The following INTS4 variants were observed in gnomAD, a reference collection of about 807,000 sequenced individuals.
The protein encoded by INTS4 is MSTP093.
A neutral mutation model predicts 119.5 loss-of-function variants in INTS4; 70 were observed. The ratio of observed to expected loss-of-function variants is 0.59; its 90% CI spans 0.48 to 0.71. INTS4 has a LOEUF of 0.71. Among genes scored for constraint, INTS4 ranks in the 30% least tolerant of loss-of-function variants. The pLI is 0.00. For synonymous variants in INTS4, 316 were observed against 419.6 expected, an observed-to-expected ratio of 0.75 and a Z score of 3.02; for missense variants, 867 against 1,173.2, an observed-to-expected ratio of 0.74 and a Z score of 3.81.
intron 18 of INTS4, among the ~76,000 whole-genome samples, chr11:77,899,788 T>G (rs7936105): frequency 2.0e-5 from 3 of 151,854 alleles, no homozygotes; most frequent in Non-Finnish European, 4.4e-5. Context: ...GTGAAAGGAA[T>G]AGGAGGCAGA....
At chr11:77,900,066 G>A (rs1436820597) in intron 18 of INTS4, among the ~76,000 whole-genome samples, 3 of 151,678 alleles carry the variant, frequency 2.0e-5, no homozygotes, top group Non-Finnish European at 4.4e-5. Flanking sequence ...CACATAGTAG[G>A]GATTAAACAT....
Position 77,928,523 on chromosome 11 carries a change from G to A in INTS4, c.1190C>T (p.Ala397Val), listed in dbSNP as rs1259861223. The A allele has an allele frequency of 4.4e-6, 7 of 1,588,304 alleles. No individual in the cohort carries two copies. The highest frequency in any genetic ancestry group is 4.1e-5 in the African/African-American group (3 of 74,042). Reference sequence around the variant, plus strand: ...TGAAGACTGGGCCAACATGCAGAGGGCCTCCACAGCAGCAATACGAACCTC... The same window carrying A: ...TGAAGACTGGGCCAACATGCAGAGGACCTCCACAGCAGCAATACGAACCTC... ...MYEVRIAAVE[A>V]LCMLAQSSPS... is the part of the protein sequence containing the mutation. Residue 397 changes from alanine to valine, a missense_variant, in exon 11 of 23, where the codon GCC (alanine) becomes GTC (valine). Coordinates refer to ENST00000534064, the MANE Select transcript of INTS4 (RefSeq NM_033547.4).
chr11:77,968,201 T>C (rs752917905), intron 4 of INTS4, among the ~76,000 whole-genome samples: 1 of 152,214 alleles, frequency 6.6e-6, no homozygotes, highest in Non-Finnish European at 1.5e-5. Context: ...GTCATTATTA[T>C]GTGATGCATG....
chr11:77,921,268 A>G, intron 14 of INTS4, 72 bp downstream of exon 14: 2 of 1,516,210 alleles, frequency 1.3e-6, no homozygotes, highest in South Asian at 1.2e-5. Flanking sequence ...CCCATCTCAA[A>G]GGAAAACATG....
At chr11:77,881,136 T>C (rs574088193) in intron 22 of INTS4, among the ~76,000 whole-genome samples, 1 of 152,278 alleles carries the variant, frequency 6.6e-6, no homozygotes, top group Admixed American at 6.5e-5. Flanking sequence ...GACAAGATCA[T>C]CTAGGATAAC....
rs1335472500 is a variant in INTS4, at chr11:77,922,175, C to T, written c.1630+181G>A. On this transcript the variant is annotated intron_variant, in intron 13 of 22. Coordinates refer to ENST00000534064, the MANE Select transcript of INTS4 (RefSeq NM_033547.4). ...CCCGGGAGGCAGAGGTTTCAGTGAG[C>T]CGAGATCAGGCCACTGCACTCCAGC... Among the ~76,000 whole-genome samples the T allele has an allele frequency of 2.0e-5, 3 of 150,394 alleles. No individual in the cohort carries two copies. The East Asian group carries it at 5.9e-4, about 29-fold the overall frequency.
chr11:77,878,157 T>C (rs1318211704), downstream of INTS4, among the ~76,000 whole-genome samples: 1 of 151,864 alleles, frequency 6.6e-6, no homozygotes, highest in Non-Finnish European at 1.5e-5. Context: ...GGTCAGGAGA[T>C]CAAGACCATC....
intron 5 of INTS4, 113 bp downstream of exon 5, chr11:77,960,840 C>G (rs1455698869): frequency 1.0e-6 from 1 of 965,182 alleles, no homozygotes; most frequent in East Asian, 2.5e-5. Context: ...CCACCAATAC[C>G]CTCCTGAAAG....
At chr11:77,981,282 T>C (rs991473047) in intron 3 of INTS4, among the ~76,000 whole-genome samples, 177 bp downstream of exon 3, 1 of 151,552 alleles carries the variant, frequency 6.6e-6, no homozygotes, top group African/African-American at 2.4e-5. Flanking sequence ...AAATGACAGC[T>C]ATTAAGAGAT....
chr11:77,989,272 G>A (rs1033850438), intron 2 of INTS4, among the ~76,000 whole-genome samples: 9 of 152,080 alleles, frequency 5.9e-5, no homozygotes, highest in Non-Finnish European at 1.0e-4. Flanking sequence ...TGGATCACCC[G>A]AGGTCTGGAA....
chr11:77,936,830 T>C (rs1953804335), intron 10 of INTS4, among the ~76,000 whole-genome samples: 1 of 151,962 alleles, frequency 6.6e-6, no homozygotes, highest in South Asian at 2.1e-4. Context: ...AGTATCCTAA[T>C]GCATGCGTAA....
In INTS4 at chr11:77,955,973, C is replaced by G; in HGVS notation, c.887G>C (p.Trp296Ser). Residue 296 changes from tryptophan to serine, a missense_variant, in exon 8 of 23, where the codon TGG becomes TCG. Trp to Ser is a radical substitution (Grantham distance 177). Around this residue, in one of 5 missense-constraint regions of INTS4, gnomAD observed 208 missense variants for 306.6 expected, o/e 0.68. Transcript: ENST00000534064. ...TTTTGCTGCCTGAACACGAACCACC[C>G]AAGAGCCATCACTGACCATGTGACA... ...KICHMVSDGS[W>S]VVRVQAAKLL... 1 of 1,611,578 alleles carries G rather than the reference C, an allele frequency of 6.2e-7. No individual in the cohort carries two copies. The highest frequency in any genetic ancestry group is 1.1e-5 in the South Asian group (1 of 90,902).
intron 4 of INTS4, among the ~76,000 whole-genome samples, chr11:77,963,113 T>G (rs1386480144): frequency 6.6e-6 from 1 of 152,122 alleles, no homozygotes; most frequent in Non-Finnish European, 1.5e-5. Context: ...GCACCTCTGT[T>G]ACAAACACTT....
At chr11:77,961,432 C>T (rs1954473865) in intron 4 of INTS4, among the ~76,000 whole-genome samples, 1 of 152,040 alleles carries the variant, frequency 6.6e-6, no homozygotes, top group Non-Finnish European at 1.5e-5. Flanking sequence ...CTTTAAAATT[C>T]GTCCCTGATT....
intron 19 of INTS4, 46 bp from the exon 20 acceptor site, chr11:77,891,886 A>T: frequency 6.2e-7 from 1 of 1,609,766 alleles, no homozygotes; most frequent in African/African-American, 1.3e-5. Flanking sequence ...CTGTGCACTC[A>T]TTCACCACAG....
At chr11:77,981,871 T>C (rs929059824) in intron 2 of INTS4, among the ~76,000 whole-genome samples, 1 of 152,052 alleles carries the variant, frequency 6.6e-6, no homozygotes, top group Non-Finnish European at 1.5e-5. Context: ...CTTTCTCAGT[T>C]GATACATTAC....
At chr11:77,901,893 T>G (rs543493459) in intron 17 of INTS4, among the ~76,000 whole-genome samples, 18 of 151,930 alleles carry the variant, frequency 1.2e-4, no homozygotes, top group Admixed American at 8.5e-4. Flanking sequence ...ATATATATTA[T>G]GTATGGAAAC....
At chr11:77,896,241 A>T (rs551800526) in intron 18 of INTS4, among the ~76,000 whole-genome samples, 4 of 152,358 alleles carry the variant, frequency 2.6e-5, no homozygotes, top group Admixed American at 6.5e-5. Context: ...AAGGAAAAAA[A>T]TAGTAGAGAA....
chr11:77,987,894 G>A (rs1228726933), intron 2 of INTS4, among the ~76,000 whole-genome samples: 1 of 152,056 alleles, frequency 6.6e-6, no homozygotes, highest in Non-Finnish European at 1.5e-5. Context: ...AGTGGTTCAT[G>A]CCTGTAATCC....
Sources: allele counts gnomAD v4.1 joint callset (sites outside exome capture counted in the v4.1 genomes callset), GRCh38; gene constraint gnomAD v4.1.1; regional missense constraint gnomAD v4.1.1; transcripts MANE v1.5; gene names NCBI Gene and HGNC (gene_info 2026-07-23, HGNC 2026-07-21).